Variants in MACROD2 observed in about 807,000 individuals in gnomAD.
MACROD2 encodes mono-ADP ribosylhydrolase 2.
Under a neutral mutation model 70.4 loss-of-function variants are expected in MACROD2, and 36 were observed. That is an observed-to-expected ratio of 0.51 (90% CI 0.39 to 0.68). The LOEUF (loss-of-function observed/expected upper bound fraction) is 0.68, where lower values mean the gene tolerates loss of function less well. Among genes scored for constraint, MACROD2 ranks in the 30% least tolerant of loss-of-function variants. MACROD2 has a pLI of 0.00. For missense variants in MACROD2, 496 were observed against 538.4 expected (o/e 0.92, Z 0.78); for synonymous variants, 172 against 178.8 (o/e 0.96, Z 0.30).
intron 5 of MACROD2, among the ~76,000 whole-genome samples, chr20:15,049,130 G>A (rs6131633): frequency 0.17 from 25,746 of 151,656 alleles, 2,805 homozygotes; most frequent in East Asian, 0.33. Flanking sequence ...ACATGCCACT[G>A]TCTTTGTGAT....
chr20:14,592,579 A>G (rs1981847943), intron 4 of MACROD2, among the ~76,000 whole-genome samples: 1 of 152,092 alleles, frequency 6.6e-6, no homozygotes, highest in Non-Finnish European at 1.5e-5. Flanking sequence ...GCAGGCCACC[A>G]TGACTGGCTA....
intron 8 of MACROD2, among the ~76,000 whole-genome samples, chr20:15,712,511 A>G (rs2146918461): frequency 6.6e-6 from 1 of 152,294 alleles, no homozygotes; most frequent in East Asian, 1.9e-4. Context: ...TATTTGTTCT[A>G]GACCTATCAC....
chr20:14,405,302 C>T (rs1044989701), intron 3 of MACROD2, among the ~76,000 whole-genome samples: 58 of 152,086 alleles, frequency 3.8e-4, no homozygotes, highest in African/African-American at 1.3e-3. Context: ...CAAAAAGCCC[C>T]TTTTCGGCTG....
intron 5 of MACROD2, among the ~76,000 whole-genome samples, chr20:14,872,769 T>A (rs542027189): frequency 1.4e-4 from 21 of 152,252 alleles, no homozygotes; most frequent in Middle Eastern, 6.8e-3. Context: ...GGTAAAGAAC[T>A]GTCCGAGAAC....
intron 6 of MACROD2, among the ~76,000 whole-genome samples, chr20:15,271,253 G>A (rs752696298): frequency 6.6e-6 from 1 of 152,166 alleles, no homozygotes; most frequent in African/African-American, 2.4e-5. Flanking sequence ...GCATCCTCTT[G>A]CCTTGTCCTC....
intron 3 of MACROD2, among the ~76,000 whole-genome samples, chr20:14,466,882 C>A (rs1041648209): frequency 2.6e-4 from 40 of 152,064 alleles, no homozygotes; most frequent in African/African-American, 8.5e-4. Context: ...GCTGCCTGAT[C>A]GTTCCTCTGG....
At chr20:15,590,047 A>G (rs1362445524) in intron 8 of MACROD2, among the ~76,000 whole-genome samples, 5 of 152,240 alleles carry the variant, frequency 3.3e-5, no homozygotes, top group Non-Finnish European at 7.4e-5. Flanking sequence ...TGAATAGAGA[A>G]TAGAAAACCC....
chr20:14,729,023 T>C (rs2071562335), intron 5 of MACROD2, among the ~76,000 whole-genome samples: 1 of 152,170 alleles, frequency 6.6e-6, no homozygotes, highest in Non-Finnish European at 1.5e-5. Context: ...AAATTTCTGA[T>C]AATTTTTGTC....
At chr20:14,816,890 C>G (rs951969949) in intron 5 of MACROD2, among the ~76,000 whole-genome samples, 1 of 151,664 alleles carries the variant, frequency 6.6e-6, no homozygotes, top group Non-Finnish European at 1.5e-5. Flanking sequence ...TAAATAATTG[C>G]AAAATGTAAA....
intron 5 of MACROD2, among the ~76,000 whole-genome samples, chr20:15,016,776 G>A (rs925042102): frequency 7.2e-5 from 11 of 152,242 alleles, no homozygotes; most frequent in African/African-American, 2.2e-4. Flanking sequence ...ACATGGTAGC[G>A]GCAAGGGAAA....
chr20:14,718,110 T>C (rs552207068), intron 5 of MACROD2, among the ~76,000 whole-genome samples: 35 of 151,690 alleles, frequency 2.3e-4, no homozygotes, highest in Non-Finnish European at 4.6e-4. Context: ...CTGACCAACA[T>C]GGTGAAACCC....
At chr20:15,378,827 T>C (rs1356295381) in intron 6 of MACROD2, among the ~76,000 whole-genome samples, 1 of 152,172 alleles carries the variant, frequency 6.6e-6, no homozygotes, top group Non-Finnish European at 1.5e-5. Context: ...TTATCTGGAC[T>C]ATAAACTGGA....
intron 5 of MACROD2, among the ~76,000 whole-genome samples, chr20:14,937,550 A>G (rs1038683760): frequency 1.3e-4 from 20 of 152,144 alleles, no homozygotes; most frequent in Non-Finnish European, 1.5e-5. Flanking sequence ...CCAGGCAATA[A>G]TAATGAGGTA....
chr20:15,056,278 G>A (rs1207025826), intron 5 of MACROD2, among the ~76,000 whole-genome samples: 5 of 152,078 alleles, frequency 3.3e-5, no homozygotes, highest in Admixed American at 2.0e-4. Context: ...AGATAACTTC[G>A]CCTCGTCCTG....
intron 8 of MACROD2, among the ~76,000 whole-genome samples, chr20:15,590,648 C>T (rs1002538436): frequency 4.6e-5 from 7 of 152,070 alleles, no homozygotes; most frequent in African/African-American, 1.2e-4. Context: ...TTTGGGAGGC[C>T]GAGGCAGGTG....
At chr20:14,721,496 T>C (rs890443807) in intron 5 of MACROD2, among the ~76,000 whole-genome samples, 2 of 152,302 alleles carry the variant, frequency 1.3e-5, no homozygotes, top group East Asian at 3.9e-4. Context: ...ATTTCAGTTC[T>C]GTAAGAAGTG....
intron 8 of MACROD2, among the ~76,000 whole-genome samples, chr20:15,752,668 G>C (rs2051290332): frequency 6.6e-6 from 1 of 152,112 alleles, no homozygotes; most frequent in South Asian, 2.1e-4. Flanking sequence ...GTCATTTCTT[G>C]TATTAAACTT....
chr20:15,013,925 A>T (rs1376153017), intron 5 of MACROD2, among the ~76,000 whole-genome samples: 2 of 152,194 alleles, frequency 1.3e-5, no homozygotes, highest in Admixed American at 1.3e-4. Context: ...GATGATGCAA[A>T]TCATCACATT....
chr20:15,983,697 C>T (rs112425609), intron 13 of MACROD2, among the ~76,000 whole-genome samples: 4 of 152,240 alleles, frequency 2.6e-5, no homozygotes, highest in African/African-American at 9.6e-5. Context: ...TACGCCTGGT[C>T]GACTGGAGGA....
Sources: gnomAD v4.1 joint callset for allele counts (sites outside exome capture counted in the v4.1 genomes callset) on GRCh38, gnomAD v4.1.1 for gene constraint, MANE v1.5 for transcripts, NCBI Gene and HGNC (gene_info 2026-07-23, HGNC 2026-07-21) for gene names.